Variants in PSMD1 observed in about 807,000 individuals in gnomAD.
PSMD1 encodes 26S proteasome non-ATPase regulatory subunit 1.
PSMD1 carries 18 observed loss-of-function variants against 119.0 expected under a neutral mutation model. The observed-to-expected ratio is 0.15, with a 90% CI of 0.10 to 0.22. The LOEUF is 0.22. PSMD1 is among the 10% of genes least tolerant of loss of function. The pLI is 1.00. For synonymous variants in PSMD1, 374 were observed against 396.6 expected, an observed-to-expected ratio of 0.94 and a Z score of 0.68; for missense variants, 702 against 1,158.5, an observed-to-expected ratio of 0.61 and a Z score of 5.72.
intron 1 of PSMD1, among the ~76,000 whole-genome samples, chr2:231,060,764 G>C (rs1418074092): frequency 6.6e-6 from 1 of 152,302 alleles, no homozygotes; most frequent in East Asian, 1.9e-4. Context: ...TTGTTGATTT[G>C]ATGACTAAAT....
Position 231,151,802 on chromosome 2 carries a change from AAT to A in PSMD1, c.2116-1761_2116-1760del, listed in dbSNP as rs1491282810. 1.3e-4 allele frequency among the ~76,000 whole-genome samples: 17 copies of A among 133,198 alleles called. No individual in the cohort carries two copies. In the South Asian group the frequency reaches 2.0e-3, roughly 16 times the overall value. 87.4% of individuals were successfully genotyped at this position (133,198 alleles called of 152,430 possible). A position where few individuals can be genotyped will look rare whatever the true frequency, so the allele number is the denominator to read the frequency against. Reference sequence around the variant, plus strand: ...CCAGAATAAAAGCGTCAAACATGAGAATTTTTTTTTTTTTTTTTTTTTTTTTT... The same window carrying A: ...CCAGAATAAAAGCGTCAAACATGAGATTTTTTTTTTTTTTTTTTTTTTTTT... On this transcript the variant is annotated intron_variant, in intron 18 of 24. Coordinates refer to ENST00000308696, the MANE Select transcript of PSMD1 (RefSeq NM_002807.4).
chr2:231,102,255 C>T (rs928150977), intron 16 of PSMD1, among the ~76,000 whole-genome samples: 1 of 152,152 alleles, frequency 6.6e-6, no homozygotes, highest in Non-Finnish European at 1.5e-5. Flanking sequence ...CACTTTACTG[C>T]TATACTCTCT....
intron 6 of PSMD1, among the ~76,000 whole-genome samples, chr2:231,071,831 A>G (rs1694047595): frequency 6.6e-6 from 1 of 152,200 alleles, no homozygotes. Flanking sequence ...AGTAACTTCC[A>G]TAATATATGG....
chr2:231,154,594 A>T (rs1375589508), intron 19 of PSMD1, among the ~76,000 whole-genome samples: 3 of 152,172 alleles, frequency 2.0e-5, no homozygotes, highest in Non-Finnish European at 2.9e-5. Context: ...CAGCCTCCCA[A>T]GTAGCTGAGA....
intron 16 of PSMD1, among the ~76,000 whole-genome samples, chr2:231,129,512 C>G (rs1695805527): frequency 6.6e-6 from 1 of 152,180 alleles, no homozygotes; most frequent in African/African-American, 2.4e-5. Context: ...GTACCAAAAG[C>G]TTGCCTAAAA....
rs201874783 is a variant in PSMD1 at position 231,083,734 on chromosome 2, G to A, written c.1693G>A (p.Ala565Thr). The change falls in exon 14 of 25, where the codon GCT becomes ACT. Residue 565 changes from alanine (A) to threonine (T), a missense_variant. Physicochemically the swap from Ala to Thr is moderately conservative, Grantham distance 58 (BLOSUM62 0). This residue lies in a region of PSMD1 where 272 missense variants were observed against 511.6 expected (regional missense o/e 0.53). Transcript: ENST00000308696. ...VMYGRMEEADALIESLCRDKD... is the reference protein window; with the variant it reads ...VMYGRMEEADTLIESLCRDKD... ...GTATGGGAGGATGGAAGAGGCTGAT[G>A]CTCTCATTGAATCTCTCTGTCGTGA... The A allele has an allele frequency of 1.9e-6, 3 of 1,614,170 alleles. No homozygotes were observed. The East Asian group carries it at 6.7e-5, about 36-fold the overall frequency.
chr2:231,117,669 T>C (rs572292396), intron 16 of PSMD1, among the ~76,000 whole-genome samples: 1 of 152,272 alleles, frequency 6.6e-6, no homozygotes, highest in African/African-American at 2.4e-5. Context: ...TTCAGTTATA[T>C]AAATTTTTAT....
At chr2:231,150,360 A>T (rs1281330886) in intron 18 of PSMD1, among the ~76,000 whole-genome samples, 1 of 152,010 alleles carries the variant, frequency 6.6e-6, no homozygotes, top group Non-Finnish European at 1.5e-5. Flanking sequence ...GGGGAAAAAA[A>T]AAAAAGTATA....
intron 16 of PSMD1, among the ~76,000 whole-genome samples, chr2:231,116,040 A>C (rs922770951): frequency 1.1e-4 from 16 of 152,122 alleles, no homozygotes; most frequent in Admixed American, 5.2e-4. Context: ...GTCTCATGGA[A>C]AGGAACTAAT....
At chr2:231,133,245 C>T (rs112702834) in intron 16 of PSMD1, among the ~76,000 whole-genome samples, 2,620 of 152,126 alleles carry the variant, frequency 0.017, 79 homozygotes, top group African/African-American at 0.06. Flanking sequence ...CCACCACACC[C>T]GGCTAATTTT....
chr2:231,122,358 A>C (rs904937087), intron 16 of PSMD1, among the ~76,000 whole-genome samples: 5 of 152,238 alleles, frequency 3.3e-5, no homozygotes, highest in Admixed American at 2.0e-4. Context: ...AATAGTTGGA[A>C]TAGCAGGGGT....
At chr2:231,160,905 G>A (rs555981772) in intron 19 of PSMD1, among the ~76,000 whole-genome samples, 36 of 152,246 alleles carry the variant, frequency 2.4e-4, no homozygotes, top group African/African-American at 8.4e-4. Context: ...CCCTACTGCA[G>A]CACTTACAAA....
At position 231,078,734 on chromosome 2, in the gene PSMD1, G is replaced by T; in HGVS notation, c.1147G>T (p.Asp383Tyr). 6.3e-7 allele frequency: 1 copy of T among 1,595,734 alleles called. No individual in the cohort carries two copies. Among genetic ancestry groups the T allele is most frequent in the South Asian group, 1.1e-5 (1 of 87,162 alleles). Residue 383 changes from aspartate to tyrosine, a missense_variant, in exon 10 of 25, where the codon GAC becomes TAC. Around this residue, in one of 9 missense-constraint regions of PSMD1, gnomAD observed 272 missense variants for 511.6 expected, o/e 0.53. Transcript: ENST00000308696. Reference protein sequence around the residue: ...NSFMHCGTTSDQFLRDNLEWL... With the variant: ...NSFMHCGTTSYQFLRDNLEWL... ...TTTTATGCACTGTGGGACAACCAGT[G>T]ACCAGTTTCTTAGGTAAATATGCTT...
At chr2:231,058,938 C>T (rs1278358208) in intron 1 of PSMD1, among the ~76,000 whole-genome samples, 1 of 151,548 alleles carries the variant, frequency 6.6e-6, no homozygotes, top group East Asian at 1.9e-4. Context: ...TGTTTGTTTA[C>T]TTGCCTGATC....
At chr2:231,081,746 A>G (rs998555108) in intron 12 of PSMD1, among the ~76,000 whole-genome samples, 1 of 152,236 alleles carries the variant, frequency 6.6e-6, no homozygotes, top group African/African-American at 2.4e-5. Flanking sequence ...GAAATGACAG[A>G]TGACCACTAA....
At chr2:231,099,167 A>G (rs755847681) in intron 16 of PSMD1, among the ~76,000 whole-genome samples, 19 of 152,094 alleles carry the variant, frequency 1.2e-4, no homozygotes, top group Non-Finnish European at 2.6e-4. Flanking sequence ...TAGATAGTCT[A>G]AGGGATCCCA....
At chr2:231,130,707 C>T (rs1179893342) in intron 16 of PSMD1, among the ~76,000 whole-genome samples, 1 of 152,214 alleles carries the variant, frequency 6.6e-6, no homozygotes, top group Non-Finnish European at 1.5e-5. Flanking sequence ...ATCAGTCCTC[C>T]TGCCTCGACT....
chr2:231,123,462 C>A, intron 16 of PSMD1: 1 of 1,614,052 alleles, frequency 6.2e-7, no homozygotes, highest in Non-Finnish European at 8.5e-7. Context: ...ATCCAACCAG[C>A]AAATCAGCCA....
intron 6 of PSMD1, among the ~76,000 whole-genome samples, chr2:231,070,652 A>G (rs1345281498): frequency 6.6e-6 from 1 of 152,104 alleles, no homozygotes; most frequent in African/African-American, 2.4e-5. Flanking sequence ...TACAGAAAAT[A>G]TATAAAATGA....
Sources: allele counts gnomAD v4.1 joint callset (sites outside exome capture counted in the v4.1 genomes callset), GRCh38; gene constraint gnomAD v4.1.1; regional missense constraint gnomAD v4.1.1; transcripts MANE v1.5; gene names NCBI Gene and HGNC (gene_info 2026-07-23, HGNC 2026-07-21).